The following C16orf96 variants were observed in gnomAD, a reference collection of about 807,000 sequenced individuals.
C16orf96 encodes the protein chromosome 16 open reading frame 96.
C16orf96 carries 108 observed loss-of-function variants against 103.6 expected under a neutral mutation model. That is an observed-to-expected ratio of 1.04 (90% confidence interval 0.89 to 1.22). The LOEUF is 1.22. Among genes scored for constraint, C16orf96 ranks in the 50% most tolerant of loss-of-function variants. The pLI, the probability that C16orf96 is intolerant of heterozygous loss-of-function variation, is 0.00. For missense variants in C16orf96, 1,586 were observed against 1,464.2 expected, an observed-to-expected ratio of 1.08 and a Z score of -1.36; for synonymous variants, 566 against 593.5, an observed-to-expected ratio of 0.95 and a Z score of 0.67.
At chr16:4,585,566 G>T (rs2141745077) in intron 7 of C16orf96, among the ~76,000 whole-genome samples, 1 of 152,308 alleles carries the variant, frequency 6.6e-6, no homozygotes, top group African/African-American at 2.4e-5. Flanking sequence ...GAGTGGCTGT[G>T]GTTCAGAGCC....
intron 7 of C16orf96, among the ~76,000 whole-genome samples, chr16:4,585,458 AAAAATTAAAATAAAAAAATT>A (rs1397807065): frequency 3.3e-5 from 5 of 152,150 alleles, no homozygotes; most frequent in East Asian, 1.9e-4. Flanking sequence ...GCCTGCCTCA[AAAAATTAAAATAAAAAAATT>A]AAAATTAAAA....
intron 2 of C16orf96, among the ~76,000 whole-genome samples, chr16:4,573,357 T>G (rs35108800): frequency 0.24 from 35,292 of 149,182 alleles, 4,392 homozygotes; most frequent in Middle Eastern, 0.37. Flanking sequence ...GAGAATCACT[T>G]GAACCCAGGA....
upstream of C16orf96, among the ~76,000 whole-genome samples, chr16:4,554,270 C>G (rs1214868742): frequency 6.6e-6 from 1 of 152,160 alleles, no homozygotes; most frequent in African/African-American, 2.4e-5. Context: ...GGGAGCAGAG[C>G]AGGGTCTGGT....
At chr16:4,543,593 G>T in the C16orf96 span, among the ~76,000 whole-genome samples, 1 of 152,044 alleles carries the variant, frequency 6.6e-6, no homozygotes, top group African/African-American at 2.4e-5. Flanking sequence ...CCAAAGTGCT[G>T]CGATTACAGG....
At chr16:4,570,463 C>CTTTTTTTTTTTTTTTTTTTTTT (rs59843201) in intron 1 of C16orf96, among the ~76,000 whole-genome samples, 1 of 91,500 alleles carries the variant, frequency 1.1e-5, no homozygotes. Context: ...TCACAACACG[C>CTTTTTTTTTTTTTTTTTTTTTT]TTTTTTTTTT....
the C16orf96 span, among the ~76,000 whole-genome samples, chr16:4,548,321 T>C: frequency 5.9e-5 from 9 of 152,294 alleles, no homozygotes; most frequent in East Asian, 1.7e-3. Flanking sequence ...CAGCTCCTCC[T>C]CCCTGGCACC....
intron 1 of C16orf96, among the ~76,000 whole-genome samples, chr16:4,567,692 C>CTTTTTTTTTTTTTTTTTTT (rs60143866): frequency 2.2e-5 from 1 of 44,566 alleles, no homozygotes; most frequent in African/African-American, 8.6e-5. Flanking sequence ...CTTCTGTTGC[C>CTTTTTTTTTTTTTTTTTTT]TTTTTTTTTT....
At chr16:4,539,696 G>C in the C16orf96 span, among the ~76,000 whole-genome samples, 10 of 152,086 alleles carry the variant, frequency 6.6e-5, no homozygotes, top group Admixed American at 1.3e-4. Context: ...AAAAAAGAAA[G>C]AAAGAAAGAA....
chr16:4,556,676 A>C lies in C16orf96; in HGVS notation c.187A>C (p.Arg63=). 1 of 1,551,520 alleles carries C rather than the reference A, an allele frequency of 6.4e-7. No individual in the cohort carries two copies. The highest frequency in any genetic ancestry group is 8.7e-7 in the Non-Finnish European group (1 of 1,146,794). Residue 63 remains arginine (R), a synonymous_variant, in exon 1 of 16, where the codon AGG becomes CGG. Coordinates refer to ENST00000444310, the MANE Select transcript of C16orf96 (RefSeq NM_001145011.2). ...LQTSQVVIMP[R]EGDAQPILNP... ...GACCTCGCAGGTGGTCATCATGCCC[A>C]GGGAAGGAGACGCCCAGCCTATCCT...
At position 4,574,169 on chromosome 16, in the gene C16orf96, G is replaced by A. The variant is rs1329625993; in HGVS notation, c.526-540G>A. 1.3e-5 allele frequency among the ~76,000 whole-genome samples: 2 copies of A among 151,468 alleles called. 1 individual carries two copies. Among genetic ancestry groups the A allele is most frequent in the Admixed American group, 1.3e-4 (2 of 15,148 alleles). ...TCTTAATGTGCTTTTGCTCATTCAAGGCTCTGGGAAGTCCTGCCGTACAGA... is the reference window on the plus strand; with the variant it reads ...TCTTAATGTGCTTTTGCTCATTCAAAGCTCTGGGAAGTCCTGCCGTACAGA... On this transcript the variant is annotated intron_variant, in intron 2 of 15. Transcript: ENST00000444310.
At chr16:4,595,865 C>G (rs2141766128) in intron 14 of C16orf96, among the ~76,000 whole-genome samples, 1 of 152,092 alleles carries the variant, frequency 6.6e-6, no homozygotes, top group South Asian at 2.1e-4. Context: ...CACCACCACG[C>G]CCGGCTAAAT....
At chr16:4,560,859 A>G (rs1214495456) in intron 1 of C16orf96, 2 of 151,970 alleles carry the variant, frequency 1.3e-5, no homozygotes, top group Non-Finnish European at 2.9e-5. Flanking sequence ...AAAATGATAT[A>G]AAAAGATATT....
rs375282882 is a variant in C16orf96 at position 4,568,558 on chromosome 16, G to A, written c.421-3003G>A. On this transcript the variant is annotated intron_variant, in intron 1 of 15. Coordinates refer to ENST00000444310, the MANE Select transcript of C16orf96 (RefSeq NM_001145011.2). ...TCCTTCCACTGCAGCTACCCAAAATGCTGGGATTACAGGTGTAAGCCACTG... is the reference window on the plus strand; with the variant it reads ...TCCTTCCACTGCAGCTACCCAAAATACTGGGATTACAGGTGTAAGCCACTG... Among the ~76,000 whole-genome samples the A allele has an allele frequency of 4.6e-5, 7 of 151,958 alleles. No homozygotes were observed. In the East Asian group the frequency reaches 1.4e-3, roughly 29 times the overall value.
Position 4,594,715 on chromosome 16 carries a change from C to T in C16orf96, c.3039C>T (p.Asp1013=). 8 of 1,551,264 alleles carry T rather than the reference C, an allele frequency of 5.2e-6. No homozygotes were observed. The highest frequency in any genetic ancestry group is 6.1e-6 in the Non-Finnish European group (7 of 1,146,942). Residue 1013 remains aspartate, a synonymous_variant, in exon 14 of 16, where the codon GAC becomes GAT. Coordinates refer to ENST00000444310, the MANE Select transcript of C16orf96 (RefSeq NM_001145011.2). ...HVIDYDSAEV[D]ILGVDGILYK... ...GGGCCATCCAACAGGCCGAGGTGGA[C>T]ATCCTGGGCGTGGATGGGATCCTGT...
At chr16:4,581,828 T>A (rs908850055) in intron 7 of C16orf96, among the ~76,000 whole-genome samples, 1 of 151,414 alleles carries the variant, frequency 6.6e-6, no homozygotes, top group African/African-American at 2.4e-5. Context: ...TGGTAGCACA[T>A]GCCTGTAGTC....
chr16:4,590,021 G>A lies in C16orf96; in HGVS notation c.2593-1645G>A, dbSNP rs567679953. On this transcript the variant is annotated intron_variant, in intron 9 of 15. Coordinates refer to ENST00000444310, the MANE Select transcript of C16orf96 (RefSeq NM_001145011.2). Reference sequence around the variant, plus strand: ...GGCGCCTGTAGTCCCAGCTACTTGGGAGGCTGAGGCAGGAGAATGGCCTGA... The same window carrying A: ...GGCGCCTGTAGTCCCAGCTACTTGGAAGGCTGAGGCAGGAGAATGGCCTGA... 8.5e-4 allele frequency among the ~76,000 whole-genome samples: 130 copies of A among 152,240 alleles called. 1 individual carries two copies. Among genetic ancestry groups the A allele is most frequent in the African/African-American group, 3.0e-3 (123 of 41,544 alleles).
Position 4,600,324 on chromosome 16 carries a change from C to T in C16orf96, c.*7C>T, listed in dbSNP as rs1386878099. On this transcript the variant is annotated 3_prime_UTR_variant, in exon 16 of 16. Transcript: ENST00000444310. Reference sequence around the variant, plus strand: ...GGAGCCCGCCAACCCGTGAGCCCCACCCCGCTGCGCCCCCCATCGCCAAGT... The same window carrying T: ...GGAGCCCGCCAACCCGTGAGCCCCATCCCGCTGCGCCCCCCATCGCCAAGT... The T allele has an allele frequency of 6.5e-7, 1 of 1,535,110 alleles. No individual in the cohort carries two copies. Among genetic ancestry groups the T allele is most frequent in the African/African-American group, 1.4e-5 (1 of 72,666 alleles).
intron 7 of C16orf96, among the ~76,000 whole-genome samples, chr16:4,584,896 C>G (rs1429891221): frequency 2.6e-5 from 4 of 152,134 alleles, no homozygotes; most frequent in African/African-American, 9.7e-5. Context: ...GTCTCGAACT[C>G]CTGACCCCAA....
chr16:4,588,423 G>A, intron 9 of C16orf96, 92 bp downstream of exon 9: 1 of 1,419,890 alleles, frequency 7.0e-7, no homozygotes, highest in Non-Finnish European at 9.4e-7. Flanking sequence ...AGTTTAGGAG[G>A]AGCAAGAATT....
Sources: gnomAD v4.1 joint callset for allele counts (sites outside exome capture counted in the v4.1 genomes callset) on GRCh38, gnomAD v4.1.1 for gene constraint, MANE v1.5 for transcripts, NCBI Gene and HGNC (gene_info 2026-07-23, HGNC 2026-07-21) for gene names.